Variants in USP34 observed in about 807,000 individuals in gnomAD.
The protein encoded by USP34 is ubiquitin carboxyl-terminal hydrolase 34.
In USP34, 70 loss-of-function variants were observed where a neutral mutation model predicts 460.3. The ratio of observed to expected loss-of-function variants is 0.15; its 90% CI spans 0.13 to 0.19. The LOEUF (loss-of-function observed/expected upper bound fraction) is 0.19. USP34 is among the 10% of genes least tolerant of loss of function. The pLI is 1.00. For missense variants in USP34, 3,985 were observed against 4,236.2 expected, an observed-to-expected ratio of 0.94 and a Z score of 1.65; for synonymous variants, 1,647 against 1,405.3, an observed-to-expected ratio of 1.17 and a Z score of -3.85.
chr2:61,218,361 A>G (rs1402958612), intron 67 of USP34, among the ~76,000 whole-genome samples: 2 of 151,448 alleles, frequency 1.3e-5, no homozygotes, highest in Non-Finnish European at 2.9e-5. Flanking sequence ...TGCCCATGCC[A>G]ATCCATGTGT....
intron 48 of USP34, among the ~76,000 whole-genome samples, chr2:61,252,059 C>A (rs1688599657): frequency 6.6e-6 from 1 of 151,598 alleles, no homozygotes; most frequent in Admixed American, 6.6e-5. Flanking sequence ...TTATGGTAGA[C>A]TACGGTAAAC....
At chr2:61,419,289 A>G (rs1209390394) in intron 2 of USP34, among the ~76,000 whole-genome samples, 2 of 151,776 alleles carry the variant, frequency 1.3e-5, no homozygotes, top group African/African-American at 4.8e-5. Context: ...CAAAAGTGAG[A>G]GGCATGAGCC....
intron 1 of USP34, among the ~76,000 whole-genome samples, chr2:61,445,595 A>G (rs1050792919): frequency 6.6e-6 from 1 of 152,040 alleles, no homozygotes; most frequent in Non-Finnish European, 1.5e-5. Flanking sequence ...CAAGAGACAC[A>G]AAAAAGAAGA....
At chr2:61,452,116 G>A (rs1444905568) in intron 1 of USP34, among the ~76,000 whole-genome samples, 2 of 151,248 alleles carry the variant, frequency 1.3e-5, no homozygotes, top group Non-Finnish European at 2.9e-5. Context: ...GGAGCTTGCA[G>A]TGAGCCGAGA....
chr2:61,363,228 G>A (rs1692327070), intron 10 of USP34, among the ~76,000 whole-genome samples: 1 of 152,110 alleles, frequency 6.6e-6, no homozygotes, highest in African/African-American at 2.4e-5. Flanking sequence ...GCAAGGATGT[G>A]GAGAAACCAG....
At chr2:61,319,106 T>C (rs1690837092) in intron 22 of USP34, 67 bp downstream of exon 22, 4 of 1,432,686 alleles carry the variant, frequency 2.8e-6, no homozygotes, top group South Asian at 2.9e-5. Flanking sequence ...CATTACAGAA[T>C]TCGTATTTCA....
At chr2:61,241,200 C>A (rs1217571306) in intron 53 of USP34, among the ~76,000 whole-genome samples, 1 of 152,038 alleles carries the variant, frequency 6.6e-6, no homozygotes. Flanking sequence ...CCCACCACCA[C>A]GCTCGGCTAC....
At chr2:61,356,056 T>C (rs1692091981) in intron 10 of USP34, among the ~76,000 whole-genome samples, 2 of 152,086 alleles carry the variant, frequency 1.3e-5, no homozygotes, top group South Asian at 2.1e-4. Flanking sequence ...CCTAGGTATA[T>C]GTCTAAAAGA....
intron 65 of USP34, 75 bp downstream of exon 65, chr2:61,222,544 C>T: frequency 1.6e-6 from 2 of 1,231,750 alleles, no homozygotes. Flanking sequence ...TTCTCGAGAA[C>T]AATTAGGCTC....
intron 43 of USP34, among the ~76,000 whole-genome samples, chr2:61,263,016 CT>C (rs1013701561): frequency 1.0e-4 from 15 of 146,624 alleles, no homozygotes; most frequent in Admixed American, 2.0e-4. Context: ...CCTTTGTCCA[CT>C]TTTTTTTTTA....
At chr2:61,202,246 C>T (rs939890304) in intron 75 of USP34, among the ~76,000 whole-genome samples, 1 of 152,254 alleles carries the variant, frequency 6.6e-6, no homozygotes, top group Middle Eastern at 3.4e-3. Context: ...AAGGAGAGGG[C>T]TACGACTGAT....
At chr2:61,451,633 G>C (rs189818167) in intron 1 of USP34, among the ~76,000 whole-genome samples, 3 of 151,212 alleles carry the variant, frequency 2.0e-5, no homozygotes, top group East Asian at 3.9e-4. Context: ...GGTGAGCCAA[G>C]ATCATGCCAT....
intron 48 of USP34, among the ~76,000 whole-genome samples, chr2:61,254,237 G>C (rs1236619313): frequency 6.6e-6 from 1 of 152,144 alleles, no homozygotes; most frequent in African/African-American, 2.4e-5. Flanking sequence ...CTCCCAGTTT[G>C]GGGGTTACCA....
intron 6 of USP34, 133 bp downstream of exon 6, chr2:61,383,136 T>C (rs1464876552): frequency 5.8e-6 from 3 of 519,080 alleles, no homozygotes; most frequent in Non-Finnish European, 9.9e-6. Flanking sequence ...AAACACTATA[T>C]ACCAAACTGT....
At chr2:61,429,079 T>C (rs550561460) in intron 1 of USP34, among the ~76,000 whole-genome samples, 57 of 151,850 alleles carry the variant, frequency 3.8e-4, no homozygotes, top group African/African-American at 1.3e-3. Flanking sequence ...GGAGGGAGGA[T>C]TGCTTAAGGC....
At chr2:61,243,028 T>G (rs1351401629) in intron 51 of USP34, among the ~76,000 whole-genome samples, 1 of 151,886 alleles carries the variant, frequency 6.6e-6, no homozygotes, top group Non-Finnish European at 1.5e-5. Context: ...GTGTTTTTAG[T>G]AGACATGGGG....
intron 1 of USP34, among the ~76,000 whole-genome samples, chr2:61,446,226 A>C (rs1010797344): frequency 1.3e-5 from 2 of 152,104 alleles, no homozygotes; most frequent in African/African-American, 2.4e-5. Context: ...CAGTGAGACA[A>C]GTGGAACTGT....
At chr2:61,300,809 AAAAAAAAAATGAAC>A in intron 29 of USP34, 128 bp downstream of exon 29, 2 of 443,610 alleles carry the variant, frequency 4.5e-6, no homozygotes, top group Non-Finnish European at 7.1e-6. Flanking sequence ...AAAAGAAAAC[AAAAAAAAAATGAAC>A]AAAAAAAAAA....
chr2:61,345,122 A>T (rs1309591575), intron 15 of USP34, among the ~76,000 whole-genome samples: 2 of 152,004 alleles, frequency 1.3e-5, no homozygotes, highest in Non-Finnish European at 2.9e-5. Context: ...AAAATACAAA[A>T]ATTAGCTGGG....
Sources: allele counts gnomAD v4.1 joint callset (sites outside exome capture counted in the v4.1 genomes callset), GRCh38; gene constraint gnomAD v4.1.1; transcripts MANE v1.5; gene names NCBI Gene and HGNC (gene_info 2026-07-23, HGNC 2026-07-21).